Variants in MFAP3L observed in about 807,000 individuals in gnomAD.
The protein encoded by MFAP3L is microfibril associated protein 3 like, also known as microfibrillar-associated protein 3-like.
Under a neutral mutation model 20.0 loss-of-function variants are expected in MFAP3L, and 5 were observed. The observed-to-expected ratio is 0.25, with a 90% CI of 0.13 to 0.53. The LOEUF is 0.53. Among genes scored for constraint, MFAP3L ranks in the 20% least tolerant of loss-of-function variants. The pLI is 0.96. For missense variants in MFAP3L, 409 were observed against 527.5 expected (o/e 0.78, Z 2.20); for synonymous variants, 219 against 213.0 (o/e 1.03, Z -0.25).
intron 2 of MFAP3L, among the ~76,000 whole-genome samples, chr4:170,000,495 A>G (rs575692518): frequency 6.6e-6 from 1 of 152,306 alleles, no homozygotes; most frequent in South Asian, 2.1e-4. Flanking sequence ...AGAGCTTGCT[A>G]TATTCCAGGT....
intron 1 of MFAP3L, among the ~76,000 whole-genome samples, chr4:170,019,724 G>A (rs1015200497): frequency 2.0e-5 from 3 of 152,264 alleles, no homozygotes; most frequent in African/African-American, 7.2e-5. Flanking sequence ...ATTTCCTCAA[G>A]GAGCAAACCC....
intron 2 of MFAP3L, among the ~76,000 whole-genome samples, chr4:170,004,259 A>G (rs762721413): frequency 2.5e-4 from 34 of 136,458 alleles, no homozygotes; most frequent in Non-Finnish European, 4.3e-4. Context: ...ACTTAATAAT[A>G]GCAGGACTTT....
intron 2 of MFAP3L, among the ~76,000 whole-genome samples, chr4:169,999,327 T>G (rs183028264): frequency 6.6e-6 from 1 of 152,176 alleles, no homozygotes; most frequent in Non-Finnish European, 1.5e-5. Flanking sequence ...GATGGAAGGA[T>G]TTTGCTGTTC....
chr4:170,018,102 A>C lies in MFAP3L; in HGVS notation c.-134+8132T>G, dbSNP rs1344579258. On this transcript the variant is annotated intron_variant, in intron 1 of 2. Coordinates refer to ENST00000361618, the MANE Select transcript of MFAP3L (RefSeq NM_021647.8). Reference sequence around the variant, plus strand: ...GACACCTGCATACAAAGCAATATGCAATTATGGGCTAAACTAGGTAAATGC... The same window carrying C: ...GACACCTGCATACAAAGCAATATGCCATTATGGGCTAAACTAGGTAAATGC... Among the ~76,000 whole-genome samples, 5 of 152,232 alleles carry C rather than the reference A, an allele frequency of 3.3e-5. 1 individual carries two copies. In the South Asian group the frequency reaches 1.0e-3, roughly 31 times the overall value.
intron 2 of MFAP3L, among the ~76,000 whole-genome samples, chr4:170,000,949 C>T (rs1738573270): frequency 2.0e-5 from 3 of 152,060 alleles, no homozygotes; most frequent in Non-Finnish European, 2.9e-5. Flanking sequence ...TCTTGAATTC[C>T]TGGGCTCAAG....
At chr4:170,025,014 G>T (rs1216600800) in intron 1 of MFAP3L, among the ~76,000 whole-genome samples, 2 of 152,222 alleles carry the variant, frequency 1.3e-5, no homozygotes, top group African/African-American at 4.8e-5. Flanking sequence ...TTTAGCTTTA[G>T]TTAGCAGAAC....
intron 2 of MFAP3L, among the ~76,000 whole-genome samples, chr4:169,996,018 C>A (rs1459801344): frequency 7.5e-6 from 1 of 132,496 alleles, no homozygotes; most frequent in East Asian, 2.7e-4. Flanking sequence ...ACCCCCCACC[C>A]CCCACCCTGA....
chr4:170,002,304 T>C (rs1738690683), intron 2 of MFAP3L: 1 of 948,728 alleles, frequency 1.1e-6, no homozygotes, highest in Non-Finnish European at 1.3e-6. Context: ...TACCCTCTGG[T>C]TTCACCTGGT....
At chr4:170,026,522 G>T, upstream of MFAP3L, 1 of 152,694 alleles carries the variant, frequency 6.5e-6, no homozygotes, top group South Asian at 1.8e-4. Context: ...AGCCGCGGGC[G>T]GGGGCAGCGG....
chr4:170,000,511 T>C (rs1738537348), intron 2 of MFAP3L, among the ~76,000 whole-genome samples: 1 of 152,168 alleles, frequency 6.6e-6, no homozygotes. Flanking sequence ...CAGGTACCTC[T>C]GCTAAGCATT....
rs1738592054 is a variant in MFAP3L at position 170,001,199 on chromosome 4, C to A, written c.298+4381G>T. Reference sequence around the variant, plus strand: ...AGGGAGGTGATAACTACAGTCTTATCACTGGCTGACACAGCTTGTCATGGT... The same window carrying A: ...AGGGAGGTGATAACTACAGTCTTATAACTGGCTGACACAGCTTGTCATGGT... On this transcript the variant is annotated intron_variant, in intron 2 of 2. Coordinates refer to ENST00000361618, the MANE Select transcript of MFAP3L (RefSeq NM_021647.8). 2.0e-5 allele frequency among the ~76,000 whole-genome samples: 3 copies of A among 152,198 alleles called. No individual in the cohort carries two copies. The South Asian group carries it at 6.2e-4, about 32-fold the overall frequency.
chr4:170,005,395 A>T (rs1459131584), intron 2 of MFAP3L, 185 bp downstream of exon 2: 80 of 705,976 alleles, frequency 1.1e-4, no homozygotes, highest in Non-Finnish European at 2.3e-6. Context: ...TGTGTCAATG[A>T]GGGAAAAAAA....
At chr4:170,013,756 T>C (rs1238433228) in intron 1 of MFAP3L, among the ~76,000 whole-genome samples, 4 of 152,226 alleles carry the variant, frequency 2.6e-5, no homozygotes, top group African/African-American at 7.2e-5. Context: ...TTTATTGATG[T>C]TTGAGCACAT....
chr4:170,018,261 G>A (rs560547157), intron 1 of MFAP3L, among the ~76,000 whole-genome samples: 1 of 152,154 alleles, frequency 6.6e-6, no homozygotes, highest in Non-Finnish European at 1.5e-5. Flanking sequence ...AGACAAATAA[G>A]GGTAGAAAGA....
At chr4:170,002,995 G>C (rs756209586) in intron 2 of MFAP3L, among the ~76,000 whole-genome samples, 2 of 152,038 alleles carry the variant, frequency 1.3e-5, no homozygotes, top group Admixed American at 6.6e-5. Flanking sequence ...TTTACCAATA[G>C]GCCATTCCAG....
chr4:170,023,257 A>G (rs111276439), intron 1 of MFAP3L, among the ~76,000 whole-genome samples: 35 of 152,088 alleles, frequency 2.3e-4, no homozygotes, highest in African/African-American at 8.2e-4. Flanking sequence ...GTCCTCAAGC[A>G]TATCTCCCTG....
intron 1 of MFAP3L, among the ~76,000 whole-genome samples, chr4:170,025,738 G>A (rs903426256): frequency 3.3e-5 from 5 of 151,584 alleles, no homozygotes; most frequent in African/African-American, 1.2e-4. Context: ...ACCCACAGCC[G>A]CCCGCACTCC....
Position 169,991,652 on chromosome 4 carries a change from A to G in MFAP3L, c.956T>C (p.Val319Ala). Residue 319 changes from valine (V) to alanine (A), a missense_variant, in exon 3 of 3, where the codon GTG becomes GCG. Val to Ala is a moderately conservative substitution (Grantham distance 64). This residue lies in a region of MFAP3L where 169 missense variants were observed against 178.2 expected (regional missense o/e 0.95). Transcript: ENST00000361618. The surrounding 1 kb of genome is among the most constrained non-coding windows in gnomAD (Gnocchi z 4.9). ...TTTTTTGGACTGCGGGTGAACTGAC[A>G]CCTTGATGGCAATTTGCTGAGGTTG... ...HEQPQQIAIK[V>A]SVHPQSKKEH... is the part of the protein sequence containing the mutation. 1 of 1,614,078 alleles carries G rather than the reference A, an allele frequency of 6.2e-7. No individual in the cohort carries two copies. Among genetic ancestry groups the G allele is most frequent in the Non-Finnish European group, 8.5e-7 (1 of 1,180,006 alleles).
intron 2 of MFAP3L, chr4:169,993,677 GC>G (rs1737915941): frequency 6.6e-6 from 1 of 151,496 alleles, no homozygotes. Context: ...AGTTCCTCCT[GC>G]CCACTGGCCA....
Sources: gnomAD v4.1 joint callset for allele counts (sites outside exome capture counted in the v4.1 genomes callset) on GRCh38, gnomAD v4.1.1 for gene constraint, gnomAD v4.1.1 regional missense constraint, Gnocchi (gnomAD v3.1) non-coding constraint, MANE v1.5 for transcripts, NCBI Gene and HGNC (gene_info 2026-07-23, HGNC 2026-07-21) for gene names.